NPHP1: variants seen among roughly 807,000 people sequenced by gnomAD.
The protein encoded by NPHP1 is nephrocystin 1.
Under a neutral mutation model 90.4 loss-of-function variants are expected in NPHP1, and 70 were observed. The ratio of observed to expected loss-of-function variants is 0.77; its 90% CI spans 0.64 to 0.95. The LOEUF is 0.95. NPHP1 is among the 40% of genes least tolerant of loss of function. The probability of loss-of-function intolerance (pLI) is 0.00; values close to 1 mark genes in which losing one functional copy is unlikely to be tolerated. For missense variants in NPHP1, 764 were observed against 795.9 expected (o/e 0.96, Z 0.48); for synonymous variants, 256 against 271.7 (o/e 0.94, Z 0.57).
intron 2 of NPHP1, among the ~76,000 whole-genome samples, chr2:110,190,455 G>A (rs533583483): frequency 1.1e-4 from 17 of 152,330 alleles, no homozygotes; most frequent in African/African-American, 4.1e-4. Context: ...CACTGCCCAG[G>A]GCCGGTGGGG....
chr2:110,124,148 G>A, intron 19 of NPHP1, 85 bp from the exon 20 acceptor site: 1 of 1,502,046 alleles, frequency 6.7e-7, no homozygotes, highest in Non-Finnish European at 9.2e-7. Flanking sequence ...AGCCACCTAA[G>A]AGGTAGGATG....
chr2:110,169,844 C>T lies in NPHP1; in HGVS notation c.484G>A (p.Asp162Asn). Residue 162 changes from aspartate (D) to asparagine (N), a missense_variant, in exon 5 of 20, where the codon GAT becomes AAT. By Grantham distance (23) the Asp-to-Asn change is conservative (BLOSUM62 1). Coordinates refer to ENST00000445609, the MANE Select transcript of NPHP1 (RefSeq NM_001128178.3). ...STGEEYIAVG[D>N]FTAQQVGDLT... ...TCTCCAACTTGCTGAGCAGTAAAAT[C>T]TCCAACAGCGATGTATTCTTCACCG... The T allele has an allele frequency of 6.2e-7, 1 of 1,613,724 alleles. No homozygotes were observed. The highest frequency in any genetic ancestry group is 8.5e-7 in the Non-Finnish European group (1 of 1,179,754).
intron 4 of NPHP1, among the ~76,000 whole-genome samples, chr2:110,170,446 G>T (rs1683040946): frequency 6.6e-6 from 1 of 152,144 alleles, no homozygotes; most frequent in African/African-American, 2.4e-5. Context: ...TTCTAAGATT[G>T]TCATGAGGAT....
At chr2:110,138,147 G>T (rs1443701802) in intron 16 of NPHP1, among the ~76,000 whole-genome samples, 1 of 151,886 alleles carries the variant, frequency 6.6e-6, no homozygotes, top group Non-Finnish European at 1.5e-5. Context: ...ACACAGGAAG[G>T]GGAACATCAT....
At chr2:110,166,534 C>T (rs528329169) in intron 6 of NPHP1, among the ~76,000 whole-genome samples, 2 of 152,240 alleles carry the variant, frequency 1.3e-5, no homozygotes, top group South Asian at 4.1e-4. Flanking sequence ...ATTCTTTCCC[C>T]TTTTGCTCCT....
intron 2 of NPHP1, chr2:110,184,546 T>A (rs991130789): frequency 2.3e-6 from 3 of 1,296,584 alleles, no homozygotes; most frequent in South Asian, 2.5e-5. Flanking sequence ...GGGGATGGCA[T>A]CACCCATGCT....
At chr2:110,160,926 G>A (rs184525093) in intron 10 of NPHP1, among the ~76,000 whole-genome samples, 91 of 152,208 alleles carry the variant, frequency 6.0e-4, no homozygotes, top group African/African-American at 2.1e-3. Flanking sequence ...TAGCACTTTG[G>A]GAGGGATAGG....
At chr2:110,188,266 C>T (rs114139155) in intron 2 of NPHP1, among the ~76,000 whole-genome samples, 2,035 of 152,132 alleles carry the variant, frequency 0.013, 49 homozygotes, top group African/African-American at 0.047. Flanking sequence ...TCTAGAAAAC[C>T]CATTGTCTTG....
At chr2:110,190,727 G>T (rs1487104812) in intron 2 of NPHP1, among the ~76,000 whole-genome samples, 1 of 152,210 alleles carries the variant, frequency 6.6e-6, no homozygotes, top group Non-Finnish European at 1.5e-5. Context: ...AGCGAGGGCT[G>T]TGAGGACTGC....
At chr2:110,203,439 A>T (rs1216768974) in intron 1 of NPHP1, among the ~76,000 whole-genome samples, 1 of 152,170 alleles carries the variant, frequency 6.6e-6, no homozygotes, top group African/African-American at 2.4e-5. Flanking sequence ...AATAAGACAC[A>T]GAACCATATT....
intron 17 of NPHP1, among the ~76,000 whole-genome samples, chr2:110,131,035 T>C (rs1027782806): frequency 5.3e-5 from 8 of 152,202 alleles, no homozygotes; most frequent in African/African-American, 1.9e-4. Flanking sequence ...ATCTGGTTAC[T>C]GATTTATTGA....
chr2:110,187,816 C>T (rs1684403308), intron 2 of NPHP1, among the ~76,000 whole-genome samples: 1 of 152,100 alleles, frequency 6.6e-6, no homozygotes, highest in Non-Finnish European at 1.5e-5. Context: ...AGCTTATCTA[C>T]CATGATCAAG....
Position 110,179,616 on chromosome 2 carries a change from A to G in NPHP1, c.204+8T>C, listed in dbSNP as rs1342060844. 7.9e-7 allele frequency: 1 copy of G among 1,265,192 alleles called. No homozygotes were observed. The highest frequency in any genetic ancestry group is 1.2e-6 in the Non-Finnish European group (1 of 867,780). The allele number at this position is 1,265,192 out of a possible 1,614,324, so 78.4% of individuals were successfully genotyped here. ...TGTTTTAATAATGTGATTAACCTCAATACTTACTTTGCTTAATTTTTGAAG... is the reference window on the plus strand; with the variant it reads ...TGTTTTAATAATGTGATTAACCTCAGTACTTACTTTGCTTAATTTTTGAAG... On this transcript the variant is annotated splice_region_variant and intron_variant, in intron 3 of 19. Transcript: ENST00000445609.
intron 16 of NPHP1, among the ~76,000 whole-genome samples, chr2:110,139,513 G>C (rs557875308): frequency 6.6e-6 from 1 of 152,298 alleles, no homozygotes; most frequent in South Asian, 2.1e-4. Flanking sequence ...TCTGGTGCCA[G>C]TGGTCTACAC....
At chr2:110,138,518 A>G (rs1246369412) in intron 16 of NPHP1, among the ~76,000 whole-genome samples, 1 of 151,984 alleles carries the variant, frequency 6.6e-6, no homozygotes, top group African/African-American at 2.4e-5. Context: ...TATACATTTG[A>G]CCTACATTTT....
At chr2:110,144,422 T>C in intron 15 of NPHP1, 71 bp downstream of exon 15, 1 of 951,012 alleles carries the variant, frequency 1.1e-6, no homozygotes, top group Non-Finnish European at 1.7e-6. Context: ...CTTATTAGAA[T>C]GTAGCTACCT....
rs1679303713 is a variant in NPHP1, at chr2:110,125,686, A to C, written c.1717-5T>G. On this transcript the variant is annotated splice_polypyrimidine_tract_variant and splice_region_variant and intron_variant, in intron 18 of 19. Coordinates refer to ENST00000445609, the MANE Select transcript of NPHP1 (RefSeq NM_001128178.3). ...TTCTTTTCCAGCCCACGAACTCTAA[A>C]GAGCAAACAGAAATATTATGTTAGT... is the stretch of plus-strand genomic sequence containing the variant. 6.2e-7 allele frequency: 1 copy of C among 1,612,464 alleles called. No individual in the cohort carries two copies. Among genetic ancestry groups the C allele is most frequent in the East Asian group, 2.2e-5 (1 of 44,852 alleles).
At chr2:110,181,253 T>A (rs1208273566) in intron 2 of NPHP1, among the ~76,000 whole-genome samples, 1 of 152,182 alleles carries the variant, frequency 6.6e-6, no homozygotes, top group African/African-American at 2.4e-5. Flanking sequence ...AAGAGTCCCC[T>A]CCTAATGTAT....
intron 16 of NPHP1, among the ~76,000 whole-genome samples, chr2:110,138,437 A>ATG (rs1462449535): frequency 6.6e-6 from 1 of 152,196 alleles, no homozygotes; most frequent in Non-Finnish European, 1.5e-5. Context: ...GATATACAGC[A>ATG]TGTGATACAT....
Sources: allele counts gnomAD v4.1 joint callset (sites outside exome capture counted in the v4.1 genomes callset), GRCh38; gene constraint gnomAD v4.1.1; transcripts MANE v1.5; gene names NCBI Gene and HGNC (gene_info 2026-07-23, HGNC 2026-07-21).